Variants in RBFOX1 observed in about 807,000 individuals in gnomAD.
RBFOX1 encodes RNA binding fox-1 homolog 1.
Under a neutral mutation model 57.7 loss-of-function variants are expected in RBFOX1, and 8 were observed. That is an observed-to-expected ratio of 0.14 (90% CI 0.08 to 0.25). The LOEUF is 0.25. RBFOX1 is among the 10% of genes least tolerant of loss of function. The pLI is 1.00. For synonymous variants in RBFOX1, 326 were observed against 222.4 expected (o/e 1.47, Z -4.15); for missense variants, 611 against 548.5 (o/e 1.11, Z -1.14).
chr16:6,369,686 T>G (rs1220582187), intron 2 of RBFOX1, among the ~76,000 whole-genome samples: 1 of 152,190 alleles, frequency 6.6e-6, no homozygotes, highest in Non-Finnish European at 1.5e-5. Flanking sequence ...AGTTTTTCAC[T>G]ATCACGCATT....
chr16:7,317,008 A>G (rs1037966125), intron 4 of RBFOX1, among the ~76,000 whole-genome samples: 2 of 151,798 alleles, frequency 1.3e-5, no homozygotes, highest in African/African-American at 4.8e-5. Context: ...ACACAATAAG[A>G]GGGTTTAGGC....
In RBFOX1 at chr16:6,610,707, G is replaced by A. The variant is rs79875458; in HGVS notation, c.-63-43896G>A. Among the ~76,000 whole-genome samples the A allele has an allele frequency of 2.5e-3, 380 of 152,262 alleles. 12 individuals are homozygous for A. The East Asian group carries it at 0.062, about 25-fold the overall frequency. Reference sequence around the variant, plus strand: ...AAGAAACACTGAAAGATCAGATTGCGAAGTGGTCTTGTTACTCAGCAGCTT... The same window carrying A: ...AAGAAACACTGAAAGATCAGATTGCAAAGTGGTCTTGTTACTCAGCAGCTT... On this transcript the variant is annotated intron_variant, in intron 2 of 15. Coordinates refer to ENST00000550418, the MANE Select transcript of RBFOX1 (RefSeq NM_018723.4).
At chr16:5,321,412 T>G (rs2064402692) in intron 1 of RBFOX1, among the ~76,000 whole-genome samples, 1 of 152,022 alleles carries the variant, frequency 6.6e-6, no homozygotes. Flanking sequence ...CTCCGCCTCC[T>G]GGGTTCATGC....
At position 7,341,867 on chromosome 16, in the gene RBFOX1, C is replaced by T. The variant is rs369332297; in HGVS notation, c.28-176280C>T. On this transcript the variant is annotated intron_variant, in intron 4 of 15. Transcript: ENST00000550418. Reference sequence around the variant, plus strand: ...AGATGACAGCAGGAGCTCCTGCCCCCGGCCCCCTTCCCACCTTGCATCCAA... The same window carrying T: ...AGATGACAGCAGGAGCTCCTGCCCCTGGCCCCCTTCCCACCTTGCATCCAA... Among the ~76,000 whole-genome samples the T allele has an allele frequency of 1.9e-4, 29 of 151,102 alleles. No individual in the cohort carries two copies. In the East Asian group the frequency reaches 3.0e-3, roughly 15 times the overall value.
intron 4 of RBFOX1, among the ~76,000 whole-genome samples, chr16:7,079,126 G>A (rs748197957): frequency 1.3e-5 from 2 of 151,948 alleles, no homozygotes; most frequent in African/African-American, 2.4e-5. Context: ...CAATCAGCAG[G>A]AGCCATACAT....
intron 4 of RBFOX1, among the ~76,000 whole-genome samples, chr16:7,371,806 A>G (rs1455944699): frequency 6.6e-6 from 1 of 152,238 alleles, no homozygotes; most frequent in African/African-American, 2.4e-5. Context: ...ATACAGATAT[A>G]TGTTGTTTTC....
Position 7,358,953 on chromosome 16 carries a change from C to A in RBFOX1, c.28-159194C>A, listed in dbSNP as rs148390606. Among the ~76,000 whole-genome samples the A allele has an allele frequency of 2.6e-5, 4 of 152,184 alleles. No individual in the cohort carries two copies. The South Asian group carries it at 8.3e-4, about 32-fold the overall frequency. On this transcript the variant is annotated intron_variant, in intron 4 of 15. Transcript: ENST00000550418. ...TTCGGATCCATAAAGTAAAACATTTCTCCTTTTAATAGACAATTAGATTAA... is the reference window on the plus strand; with the variant it reads ...TTCGGATCCATAAAGTAAAACATTTATCCTTTTAATAGACAATTAGATTAA...
intron 1 of RBFOX1, among the ~76,000 whole-genome samples, chr16:6,261,442 A>G (rs546565710): frequency 2.2e-4 from 33 of 152,276 alleles, no homozygotes; most frequent in African/African-American, 7.7e-4. Flanking sequence ...ATGTCAGATG[A>G]TGAGTGTGAT....
At chr16:7,546,514 C>T (rs993340664) in intron 5 of RBFOX1, among the ~76,000 whole-genome samples, 3 of 152,036 alleles carry the variant, frequency 2.0e-5, no homozygotes, top group Non-Finnish European at 1.5e-5. Context: ...TAATAATAAG[C>T]ATAGTTATTT....
At chr16:6,763,926 A>G (rs1000300131) in intron 3 of RBFOX1, among the ~76,000 whole-genome samples, 16 of 152,186 alleles carry the variant, frequency 1.1e-4, no homozygotes, top group African/African-American at 3.6e-4. Flanking sequence ...TATATGTCCT[A>G]TGGTTCCCAA....
At chr16:6,865,930 C>T (rs1413188055) in intron 3 of RBFOX1, among the ~76,000 whole-genome samples, 1 of 152,052 alleles carries the variant, frequency 6.6e-6, no homozygotes, top group East Asian at 1.9e-4. Flanking sequence ...AAAGCCACCT[C>T]ATTTGGTTCT....
chr16:6,789,811 T>A (rs888672784), intron 3 of RBFOX1, among the ~76,000 whole-genome samples: 16 of 152,092 alleles, frequency 1.1e-4, no homozygotes, highest in African/African-American at 3.6e-4. Context: ...TAATTTCTCA[T>A]TTTCTGTCTT....
chr16:5,341,818 C>G (rs990139596), intron 1 of RBFOX1, among the ~76,000 whole-genome samples: 2 of 152,144 alleles, frequency 1.3e-5, no homozygotes, highest in African/African-American at 4.8e-5. Flanking sequence ...ACACGGAGTT[C>G]TCTTCGGACC....
intron 3 of RBFOX1, among the ~76,000 whole-genome samples, chr16:6,815,920 C>T (rs752506045): frequency 2.6e-5 from 4 of 152,194 alleles, no homozygotes; most frequent in African/African-American, 4.8e-5. Flanking sequence ...AAAGAAAGGA[C>T]TGTCTTGAGA....
intron 4 of RBFOX1, among the ~76,000 whole-genome samples, chr16:7,485,331 C>T (rs898100880): frequency 2.0e-5 from 3 of 152,222 alleles, no homozygotes; most frequent in Non-Finnish European, 4.4e-5. Context: ...CCTTGCTATG[C>T]GCTGTTGCTT....
chr16:7,104,523 T>A (rs979718089), intron 4 of RBFOX1, among the ~76,000 whole-genome samples: 1 of 152,122 alleles, frequency 6.6e-6, no homozygotes, highest in Non-Finnish European at 1.5e-5. Flanking sequence ...TTAAAAGCAA[T>A]GGCTTACCTA....
chr16:6,992,226 C>T (rs1469196250), intron 3 of RBFOX1, among the ~76,000 whole-genome samples: 1 of 150,784 alleles, frequency 6.6e-6, no homozygotes, highest in Non-Finnish European at 1.5e-5. Context: ...TGCAGTGGTG[C>T]AATCTCGGCT....
intron 4 of RBFOX1, among the ~76,000 whole-genome samples, chr16:7,204,757 C>A (rs556483620): frequency 2.6e-5 from 4 of 152,160 alleles, no homozygotes; most frequent in African/African-American, 9.7e-5. Flanking sequence ...TTTTCTCCCC[C>A]TCTCCCCAAT....
chr16:5,703,597 G>T (rs576316771), intron 3 of RBFOX1, among the ~76,000 whole-genome samples: 3 of 152,330 alleles, frequency 2.0e-5, no homozygotes, highest in African/African-American at 7.2e-5. Context: ...AGAGGTTAAT[G>T]CAGAGACTCT....
Sources: gnomAD v4.1 joint callset for allele counts (sites outside exome capture counted in the v4.1 genomes callset) on GRCh38, gnomAD v4.1.1 for gene constraint, MANE v1.5 for transcripts, NCBI Gene and HGNC (gene_info 2026-07-23, HGNC 2026-07-21) for gene names.